The following PRKAR1B variants were observed in gnomAD, a reference collection of about 807,000 sequenced individuals.
PRKAR1B encodes the protein protein kinase cAMP-dependent type I regulatory subunit beta, also known as cAMP-dependent protein kinase type I-beta regulatory subunit.
Under a neutral mutation model 46.5 loss-of-function variants are expected in PRKAR1B, and 22 were observed. The observed-to-expected ratio is 0.47, with a 90% confidence interval of 0.34 to 0.68. The LOEUF (loss-of-function observed/expected upper bound fraction) is 0.68. Among genes scored for constraint, PRKAR1B ranks in the 30% least tolerant of loss-of-function variants. The pLI, the probability that PRKAR1B is intolerant of heterozygous loss-of-function variation, is 0.01. For synonymous variants in PRKAR1B, 259 were observed against 217.7 expected (o/e 1.19, Z -1.67); for missense variants, 445 against 535.6 (o/e 0.83, Z 1.67).
Position 587,393 on chromosome 7 carries a change from C to T in PRKAR1B, c.709-2825G>A, listed in dbSNP as rs971996932. 4.6e-5 allele frequency among the ~76,000 whole-genome samples: 7 copies of T among 152,262 alleles called. No homozygotes were observed. In the South Asian group the frequency reaches 6.2e-4, roughly 14 times the overall value. On this transcript the variant is annotated intron_variant, in intron 7 of 10. Transcript: ENST00000537384. ...ATCACATTGTCACAACTCAGAGGGC[C>T]GAGGAGGAGGAGAAAGTGGAGGTGA...
intron 4 of PRKAR1B, among the ~76,000 whole-genome samples, chr7:615,269 C>CA (rs750108829): frequency 1.8e-4 from 26 of 144,118 alleles, no homozygotes; most frequent in South Asian, 6.8e-4. Flanking sequence ...ACTAAAAATA[C>CA]AAAAAATTGG....
intron 6 of PRKAR1B, among the ~76,000 whole-genome samples, chr7:604,528 G>A (rs1781880327): frequency 6.6e-6 from 1 of 152,228 alleles, no homozygotes. Context: ...AGGGAGAAGA[G>A]AAACTGGCTC....
chr7:621,626 C>T (rs1214733392), intron 4 of PRKAR1B, among the ~76,000 whole-genome samples: 1 of 152,220 alleles, frequency 6.6e-6, no homozygotes, highest in Non-Finnish European at 1.5e-5. Flanking sequence ...CACTATTGAG[C>T]AGTGGTGACA....
intron 4 of PRKAR1B, among the ~76,000 whole-genome samples, chr7:665,455 C>T (rs866202149): frequency 5.9e-5 from 9 of 152,336 alleles, no homozygotes; most frequent in African/African-American, 1.9e-4. Flanking sequence ...CTGGCCATTG[C>T]ATACATCATC....
intron 4 of PRKAR1B, among the ~76,000 whole-genome samples, chr7:626,100 A>G (rs980500141): frequency 4.6e-5 from 7 of 152,186 alleles, no homozygotes; most frequent in Non-Finnish European, 8.8e-5. Flanking sequence ...GAAATACACA[A>G]TCTACTAAAA....
At chr7:594,755 T>G (rs1781174076) in intron 7 of PRKAR1B, among the ~76,000 whole-genome samples, 1 of 150,582 alleles carries the variant, frequency 6.6e-6, no homozygotes, top group African/African-American at 2.5e-5. Flanking sequence ...CCCTAGACCA[T>G]GAGGGGACTC....
At chr7:705,434 G>T (rs984387655) in intron 2 of PRKAR1B, among the ~76,000 whole-genome samples, 1 of 151,890 alleles carries the variant, frequency 6.6e-6, no homozygotes, top group African/African-American at 2.4e-5. Context: ...CAAGAATCAC[G>T]GCTGCTTGGA....
chr7:672,236 C>T (rs1583396169), intron 4 of PRKAR1B, among the ~76,000 whole-genome samples: 1 of 152,010 alleles, frequency 6.6e-6, no homozygotes, highest in Admixed American at 6.6e-5. Flanking sequence ...TTGCAATCTC[C>T]GCCACCCGGG....
In PRKAR1B at chr7:691,801, G is replaced by C; in HGVS notation, c.178-11075C>G. 1.2e-5 allele frequency: 14 copies of C among 1,188,910 alleles called. No individual in the cohort carries two copies. In the South Asian group the frequency reaches 1.2e-4, roughly 11 times the overall value. 73.6% of individuals were successfully genotyped at this position (1,188,910 alleles called of 1,614,324 possible). On this transcript the variant is annotated intron_variant, in intron 2 of 10. Transcript: ENST00000537384. Reference sequence around the variant, plus strand: ...CCGGCAATCACCTCCTGCGGAGGACGGCGCATCCCCTGAACTCCCTGCCAA... The same window carrying C: ...CCGGCAATCACCTCCTGCGGAGGACCGCGCATCCCCTGAACTCCCTGCCAA...
At chr7:682,351 G>A (rs556183030) in intron 2 of PRKAR1B, among the ~76,000 whole-genome samples, 1 of 152,132 alleles carries the variant, frequency 6.6e-6, no homozygotes, top group Non-Finnish European at 1.5e-5. Flanking sequence ...GCTTCTGGCC[G>A]GGTGTGGTGG....
At chr7:697,984 CGGAGGGGAGTGGAGGGGAGGGGAG>C (rs1779848893) in intron 2 of PRKAR1B, among the ~76,000 whole-genome samples, 1 of 40,596 alleles carries the variant, frequency 2.5e-5, no homozygotes, top group African/African-American at 1.0e-4. Flanking sequence ...GGGAAGGGAG[CGGAGGGGAGTGGAGGGGAGGGGAG>C]GGGAGGGAAG....
intron 6 of PRKAR1B, among the ~76,000 whole-genome samples, chr7:605,924 C>T (rs1354450318): frequency 2.0e-5 from 3 of 152,166 alleles, no homozygotes; most frequent in Non-Finnish European, 1.5e-5. Flanking sequence ...CCCCAGCAGT[C>T]GCAGCCCGGG....
rs71546454 is a variant in PRKAR1B, at chr7:640,765, A to AACACACACAC, written c.441-33323_441-33314dup. On this transcript the variant is annotated intron_variant, in intron 4 of 10. Transcript: ENST00000537384. ...GCAACAAGAGCAAAACTCTGTCTCA[A>AACACACACAC]ACACACACACACACACACACACACA... 3.8e-3 allele frequency among the ~76,000 whole-genome samples: 412 copies of AACACACACAC among 108,172 alleles called. 4 individuals are homozygous for AACACACACAC. The highest frequency in any genetic ancestry group is 6.4e-3 in the South Asian group (19 of 2,954). The allele number at this position is 108,172 out of a possible 152,430, so 71.0% of individuals were successfully genotyped here. A position where few individuals can be genotyped will look rare whatever the true frequency, so the allele number is the denominator to read the frequency against.
chr7:612,392 GGATA>G (rs927427029), intron 4 of PRKAR1B, among the ~76,000 whole-genome samples: 2 of 151,518 alleles, frequency 1.3e-5, no homozygotes, highest in East Asian at 2.0e-4. Context: ...GTGGGTGGAT[GGATA>G]GATGGATGGA....
At chr7:698,798 G>A (rs924235942) in intron 2 of PRKAR1B, among the ~76,000 whole-genome samples, 1 of 151,586 alleles carries the variant, frequency 6.6e-6, no homozygotes, top group Admixed American at 6.6e-5. Context: ...ATCCTTGCCT[G>A]TGTGTGCATG....
intron 6 of PRKAR1B, among the ~76,000 whole-genome samples, chr7:604,298 C>A (rs926775429): frequency 5.3e-5 from 8 of 152,368 alleles, no homozygotes; most frequent in African/African-American, 1.9e-4. Flanking sequence ...GACTCTGCGG[C>A]CTGGCAGCTG....
intron 10 of PRKAR1B, among the ~76,000 whole-genome samples, chr7:551,137 C>T (rs1346343718): frequency 6.6e-6 from 1 of 152,126 alleles, no homozygotes; most frequent in Non-Finnish European, 1.5e-5. Context: ...GAGGCTGCCT[C>T]CCCCAAGGTC....
At chr7:658,042 ACAG>A (rs1383585802) in intron 4 of PRKAR1B, among the ~76,000 whole-genome samples, 1 of 152,182 alleles carries the variant, frequency 6.6e-6, no homozygotes, top group Non-Finnish European at 1.5e-5. Context: ...ACAGGCCGAG[ACAG>A]CAGCTCCGTG....
intron 7 of PRKAR1B, 146 bp from the exon 8 acceptor site, chr7:584,714 G>C: frequency 1.5e-6 from 1 of 686,914 alleles, no homozygotes; most frequent in Non-Finnish European, 2.5e-6. Flanking sequence ...CGACGACTCG[G>C]AGTCTGCGTG....
Sources: gnomAD v4.1 joint callset for allele counts (sites outside exome capture counted in the v4.1 genomes callset) on GRCh38, gnomAD v4.1.1 for gene constraint, MANE v1.5 for transcripts, NCBI Gene and HGNC (gene_info 2026-07-23, HGNC 2026-07-21) for gene names.